The following KDM1B variants were observed in gnomAD, a reference collection of about 807,000 sequenced individuals.
KDM1B encodes the protein lysine-specific histone demethylase 2.
KDM1B carries 63 observed loss-of-function variants against 107.4 expected under a neutral mutation model. The observed-to-expected ratio is 0.59, with a 90% CI of 0.48 to 0.72. The LOEUF (loss-of-function observed/expected upper bound fraction) is 0.72, where lower values mean the gene tolerates loss of function less well. Ranked by LOEUF, KDM1B falls within the 30% of genes least tolerant of loss-of-function variation. The probability of loss-of-function intolerance (pLI) is 0.00; values close to 1 mark genes in which losing one functional copy is unlikely to be tolerated. For missense variants in KDM1B, 749 were observed against 1,020.8 expected (o/e 0.73, Z 3.63); for synonymous variants, 363 against 363.9 (o/e 1.00, Z 0.03).
At chr6:18,207,055 A>T (rs1582193035) in intron 15 of KDM1B, among the ~76,000 whole-genome samples, 1 of 152,168 alleles carries the variant, frequency 6.6e-6, no homozygotes, top group African/African-American at 2.4e-5. Context: ...TAGAGCTTCC[A>T]TGTTGAGGAC....
chr6:18,196,959 A>G (rs1182656352), intron 10 of KDM1B, 98 bp from the exon 11 acceptor site: 24 of 1,126,276 alleles, frequency 2.1e-5, no homozygotes, highest in Non-Finnish European at 2.8e-5. Flanking sequence ...GTTGATTCAG[A>G]TCTTTTACTT....
intron 7 of KDM1B, among the ~76,000 whole-genome samples, chr6:18,177,283 T>C (rs889566398): frequency 4.6e-5 from 7 of 152,136 alleles, no homozygotes; most frequent in African/African-American, 1.7e-4. Context: ...CGAATGATCT[T>C]TTGTATTTCA....
At position 18,214,774 on chromosome 6, in the gene KDM1B, G is replaced by A. The variant is rs918583532; in HGVS notation, c.2110-233G>A. ...AAAATACAAAAGTTAGCCGGGCATGGTGGCAGACGCCTGTAATCCCAGCTA... is the reference window on the plus strand; with the variant it reads ...AAAATACAAAAGTTAGCCGGGCATGATGGCAGACGCCTGTAATCCCAGCTA... On this transcript the variant is annotated intron_variant, in intron 19 of 21. Coordinates refer to ENST00000650836, the MANE Select transcript of KDM1B (RefSeq NM_001364614.2). This position sits in a 1 kb window ranked among gnomAD's most constrained non-coding sequence, Gnocchi z 4.4. Among the ~76,000 whole-genome samples the A allele has an allele frequency of 2.6e-5, 4 of 152,170 alleles. No individual in the cohort carries two copies. Among genetic ancestry groups the A allele is most frequent in the Non-Finnish European group, 5.9e-5 (4 of 68,034 alleles).
intron 12 of KDM1B, among the ~76,000 whole-genome samples, chr6:18,198,308 G>A (rs1052714414): frequency 1.3e-5 from 2 of 151,914 alleles, no homozygotes; most frequent in Non-Finnish European, 2.9e-5. Flanking sequence ...ATTATTCCTT[G>A]TGTAAAAAAG....
chr6:18,207,079 A>G (rs1788425619), intron 15 of KDM1B, among the ~76,000 whole-genome samples: 1 of 152,142 alleles, frequency 6.6e-6, no homozygotes, highest in Admixed American at 6.6e-5. Flanking sequence ...TAGCATATTT[A>G]TATATGTTGA....
rs1789915544 is a variant in KDM1B, at chr6:18,223,314, C to T, written c.*1322C>T. The stretch of plus-strand genomic sequence containing the variant: ...CCAAGAATGTGCAGTGAACCTCAGG[C>T]ATTTAAGACACCTCCCCCACCGCCC... On this transcript the variant is annotated 3_prime_UTR_variant, in exon 22 of 22. Transcript: ENST00000650836. The T allele has an allele frequency of 6.6e-6, 1 of 151,938 alleles. No individual in the cohort carries two copies. Among genetic ancestry groups the T allele is most frequent in the Non-Finnish European group, 1.5e-5 (1 of 68,014 alleles). The allele number at this position is 151,938 out of a possible 1,614,324, so 9.4% of individuals were successfully genotyped here.
In KDM1B at chr6:18,213,940, A is replaced by G. The variant is rs1233394947; in HGVS notation, c.2109+159A>G. Among the ~76,000 whole-genome samples the G allele has an allele frequency of 2.0e-5, 3 of 152,188 alleles. No individual in the cohort carries two copies. Among genetic ancestry groups the G allele is most frequent in the Admixed American group, 1.3e-4 (2 of 15,274 alleles). On this transcript the variant is annotated intron_variant, in intron 19 of 21. Transcript: ENST00000650836. The surrounding 1 kb of genome is among the most constrained non-coding windows in gnomAD (Gnocchi z 5.9). ...GGACACTTGGACTGGACATTTTCCT[A>G]TAGGAAAGGAGCCCCAGTATTTGCC...
At position 18,212,964 on chromosome 6, in the gene KDM1B, C is replaced by T. The variant is rs897624548; in HGVS notation, c.1983+360C>T. Among the ~76,000 whole-genome samples, 3 of 152,144 alleles carry T rather than the reference C, an allele frequency of 2.0e-5. No homozygotes were observed. The highest frequency in any genetic ancestry group is 7.2e-5 in the African/African-American group (3 of 41,412). On this transcript the variant is annotated intron_variant, in intron 18 of 21. Coordinates refer to ENST00000650836, the MANE Select transcript of KDM1B (RefSeq NM_001364614.2). This position sits in a 1 kb window ranked among gnomAD's most constrained non-coding sequence, Gnocchi z 5.2. ...GGTTTATTTCTCCTGCCTTTAATAT[C>T]TCCTGTAGCAGAATGGGCCAGTGCT...
Position 18,217,602 on chromosome 6 carries a change from C to T in KDM1B, c.2233-131C>T, listed in dbSNP as rs576220026. 212 of 656,878 alleles carry T rather than the reference C, an allele frequency of 3.2e-4. 1 individual carries two copies. The highest frequency in any genetic ancestry group is 4.7e-4 in the Non-Finnish European group (177 of 380,146). 40.7% of individuals were successfully genotyped at this position (656,878 alleles called of 1,614,324 possible). A position where few individuals can be genotyped will look rare whatever the true frequency, so the allele number is the denominator to read the frequency against. On this transcript the variant is annotated intron_variant, in intron 20 of 21. Coordinates refer to ENST00000650836, the MANE Select transcript of KDM1B (RefSeq NM_001364614.2). ...CCGTGTTAGCCAGGATCGTCTCGAT[C>T]TCCTGACCTTGTGATCCACCCGCCT...
At chr6:18,173,967 G>A (rs1016729214) in intron 7 of KDM1B, among the ~76,000 whole-genome samples, 3 of 152,034 alleles carry the variant, frequency 2.0e-5, no homozygotes, top group African/African-American at 7.2e-5. Flanking sequence ...TGTATTATTA[G>A]TAAAGAGAGG....
chr6:18,197,743 C>T lies in KDM1B; in HGVS notation c.1221+82C>T, dbSNP rs1196035219. The T allele has an allele frequency of 4.1e-6, 4 of 967,942 alleles. No homozygotes were observed. The allele number at this position is 967,942 out of a possible 1,614,324, so 60.0% of individuals were successfully genotyped here. A position where few individuals can be genotyped will look rare whatever the true frequency, so the allele number is the denominator to read the frequency against. Reference sequence around the variant, plus strand: ...AATTTCTAAGATTTAGAAACCAGTTCCTATTTTTAGTGAAGAATACTAAAT... The same window carrying T: ...AATTTCTAAGATTTAGAAACCAGTTTCTATTTTTAGTGAAGAATACTAAAT... On this transcript the variant is annotated intron_variant, in intron 12 of 21. Coordinates refer to ENST00000650836, the MANE Select transcript of KDM1B (RefSeq NM_001364614.2). The surrounding 1 kb of genome is among the most constrained non-coding windows in gnomAD (Gnocchi z 4.5).
chr6:18,187,763 C>G, intron 8 of KDM1B, 29 bp from the exon 9 acceptor site: 2 of 1,435,772 alleles, frequency 1.4e-6, no homozygotes, highest in Non-Finnish European at 9.6e-7. Context: ...CTGTCCTTGT[C>G]TCTCTTCTTC....
chr6:18,166,495 T>C, intron 6 of KDM1B, 117 bp downstream of exon 6: 2 of 643,066 alleles, frequency 3.1e-6, no homozygotes, highest in Non-Finnish European at 5.7e-6. Flanking sequence ...TCTATGACTA[T>C]TAAAGCAAAT....
intron 21 of KDM1B, among the ~76,000 whole-genome samples, chr6:18,219,555 CTCT>C (rs1789517914): frequency 6.6e-6 from 1 of 152,110 alleles, no homozygotes; most frequent in African/African-American, 2.4e-5. Flanking sequence ...TTGTAGCATC[CTCT>C]TGTTACAACT....
chr6:18,191,102 G>T lies in KDM1B; in HGVS notation c.785-95G>T, dbSNP rs900648859. On this transcript the variant is annotated intron_variant, in intron 9 of 21. Coordinates refer to ENST00000650836, the MANE Select transcript of KDM1B (RefSeq NM_001364614.2). This position sits in a 1 kb window ranked among gnomAD's most constrained non-coding sequence, Gnocchi z 5.1. ...TTATGTAGGGTAGAGAGTGGAGCTT[G>T]TCTAGGCTTACTTTTTGGTTTGCTT... 1 of 1,065,680 alleles carries T rather than the reference G, an allele frequency of 9.4e-7. No homozygotes were observed. Among genetic ancestry groups the T allele is most frequent in the Middle Eastern group, 2.1e-4 (1 of 4,812 alleles). 66.0% of individuals were successfully genotyped at this position (1,065,680 alleles called of 1,614,324 possible).
At position 18,205,930 on chromosome 6, in the gene KDM1B, C is replaced by T. The variant is rs752290628; in HGVS notation, c.1659+266C>T. 6.6e-5 allele frequency among the ~76,000 whole-genome samples: 10 copies of T among 151,894 alleles called. No homozygotes were observed. Among genetic ancestry groups the T allele is most frequent in the Non-Finnish European group, 1.3e-4 (9 of 67,964 alleles). ...TCGCTTGAACCTGGGAGGCGGAAGTCGTAGTGAGCTGGGATCGCGCCACTG... is the reference window on the plus strand; with the variant it reads ...TCGCTTGAACCTGGGAGGCGGAAGTTGTAGTGAGCTGGGATCGCGCCACTG... On this transcript the variant is annotated intron_variant, in intron 15 of 21. Coordinates refer to ENST00000650836, the MANE Select transcript of KDM1B (RefSeq NM_001364614.2). The surrounding 1 kb of genome is among the most constrained non-coding windows in gnomAD (Gnocchi z 5.7).
chr6:18,194,336 A>G (rs1245577254), intron 10 of KDM1B, among the ~76,000 whole-genome samples: 1 of 152,044 alleles, frequency 6.6e-6, no homozygotes, highest in Non-Finnish European at 1.5e-5. Context: ...CATCCCCCCA[A>G]CCATCTTGTC....
At position 18,209,250 on chromosome 6, in the gene KDM1B, A is replaced by C. The variant is rs1303570297; in HGVS notation, c.1866+1044A>C. Among the ~76,000 whole-genome samples the C allele has an allele frequency of 3.9e-5, 6 of 152,230 alleles. No homozygotes were observed. The highest frequency in any genetic ancestry group is 1.4e-4 in the African/African-American group (6 of 41,464). ...TGCCTCCTTGGGGTAGAGGGGATTTAGTAAACCTTGAAAATTTAAGTTTAG... is the reference window on the plus strand; with the variant it reads ...TGCCTCCTTGGGGTAGAGGGGATTTCGTAAACCTTGAAAATTTAAGTTTAG... On this transcript the variant is annotated intron_variant, in intron 17 of 21. Transcript: ENST00000650836. The surrounding 1 kb of genome is among the most constrained non-coding windows in gnomAD (Gnocchi z 4.3).
chr6:18,207,199 C>T (rs1261946876), intron 15 of KDM1B, among the ~76,000 whole-genome samples, 199 bp from the exon 16 acceptor site: 1 of 151,876 alleles, frequency 6.6e-6, no homozygotes, highest in South Asian at 2.1e-4. Flanking sequence ...TCATATGGAC[C>T]TTTTGTTCTC....
Sources: gnomAD v4.1 joint callset for allele counts (sites outside exome capture counted in the v4.1 genomes callset) on GRCh38, gnomAD v4.1.1 for gene constraint, Gnocchi (gnomAD v3.1) non-coding constraint, MANE v1.5 for transcripts, NCBI Gene and HGNC (gene_info 2026-07-23, HGNC 2026-07-21) for gene names.